Variants in FHAD1 observed in about 807,000 individuals in gnomAD.
The protein encoded by FHAD1 is forkhead-associated domain-containing protein 1.
In FHAD1, 146 loss-of-function variants were observed where a neutral mutation model predicts 191.3. That is an observed-to-expected ratio of 0.76 (90% CI 0.67 to 0.88). The LOEUF (loss-of-function observed/expected upper bound fraction) is 0.88, where lower values mean the gene tolerates loss of function less well. Among genes scored for constraint, FHAD1 ranks in the 40% least tolerant of loss-of-function variants. The probability of loss-of-function intolerance (pLI) is 0.00; values close to 1 mark genes in which losing one functional copy is unlikely to be tolerated. For missense variants in FHAD1, 1,635 were observed against 1,785.8 expected (o/e 0.92, Z 1.52); for synonymous variants, 616 against 672.3 (o/e 0.92, Z 1.29).
At chr1:15,389,458 A>AAAAAAAAAAC (rs1557454707) in intron 32 of FHAD1, among the ~76,000 whole-genome samples, 2 of 149,138 alleles carry the variant, frequency 1.3e-5, no homozygotes, top group African/African-American at 5.1e-5. Flanking sequence ...AAAAAAAAAA[A>AAAAAAAAAAC]AAAAAAAAAA....
intron 20 of FHAD1, among the ~76,000 whole-genome samples, chr1:15,356,740 T>C (rs945942331): frequency 6.6e-6 from 1 of 151,816 alleles, no homozygotes; most frequent in Non-Finnish European, 1.5e-5. Flanking sequence ...GGCGTGGTGG[T>C]GGGTGCCTGT....
Position 15,329,971 on chromosome 1 carries a change from G to A in FHAD1, c.1906+430G>A. 6.1e-6 allele frequency: 1 copy of A among 163,336 alleles called. No homozygotes were observed. The highest frequency in any genetic ancestry group is 1.3e-5 in the Non-Finnish European group (1 of 74,418). The allele number at this position is 163,336 out of a possible 1,614,324, so 10.1% of individuals were successfully genotyped here. A position where few individuals can be genotyped will look rare whatever the true frequency, so the allele number is the denominator to read the frequency against. ...TGATCATTAAAATGCATGAATATAT[G>A]GAAAGTACTTGGAATAGTACCTGGC... On this transcript the variant is annotated intron_variant, in intron 14 of 33. Transcript: ENST00000688493. The surrounding 1 kb of genome is among the most constrained non-coding windows in gnomAD (Gnocchi z 5.0).
chr1:15,241,742 G>T (rs1241783946), intron 1 of FHAD1, among the ~76,000 whole-genome samples: 1 of 152,154 alleles, frequency 6.6e-6, no homozygotes, highest in African/African-American at 2.4e-5. Flanking sequence ...CAGGGGGTGG[G>T]TCATGACTGG....
At chr1:15,351,373 T>A (rs7535287) in intron 19 of FHAD1, among the ~76,000 whole-genome samples, 59,922 of 151,890 alleles carry the variant, frequency 0.39, 12,293 homozygotes, top group South Asian at 0.48. Flanking sequence ...AATAAAAAAA[T>A]TTTTTTAAAA....
chr1:15,256,206 A>G (rs1647984369), intron 2 of FHAD1, among the ~76,000 whole-genome samples: 1 of 152,228 alleles, frequency 6.6e-6, no homozygotes, highest in Non-Finnish European at 1.5e-5. Flanking sequence ...CAGCAATGTC[A>G]CAAGCCAATG....
intron 3 of FHAD1, among the ~76,000 whole-genome samples, chr1:15,288,055 A>G (rs1340563490): frequency 3.9e-5 from 6 of 152,152 alleles, no homozygotes; most frequent in Admixed American, 3.9e-4. Flanking sequence ...TGCCAAGACA[A>G]TTGGGAGACA....
At chr1:15,274,625 G>C (rs1657565435) in intron 3 of FHAD1, among the ~76,000 whole-genome samples, 1 of 147,882 alleles carries the variant, frequency 6.8e-6, no homozygotes, top group Non-Finnish European at 1.5e-5. Flanking sequence ...AAAAAAAAAA[G>C]ATTCTGTTTT....
At chr1:15,261,197 A>G (rs2100990470) in intron 2 of FHAD1, among the ~76,000 whole-genome samples, 1 of 152,274 alleles carries the variant, frequency 6.6e-6, no homozygotes, top group Non-Finnish European at 1.5e-5. Context: ...CAGCAACCCT[A>G]CAAGTTAGGG....
In FHAD1 at chr1:15,374,708, A is replaced by T; in HGVS notation, c.3577+77A>T. 2.0e-6 allele frequency: 3 copies of T among 1,519,206 alleles called. No individual in the cohort carries two copies. In the South Asian group the frequency reaches 3.7e-5, roughly 19 times the overall value. The allele number at this position is 1,519,206 out of a possible 1,614,324, so 94.1% of individuals were successfully genotyped here. A position where few individuals can be genotyped will look rare whatever the true frequency, so the allele number is the denominator to read the frequency against. On this transcript the variant is annotated intron_variant, in intron 27 of 33. Coordinates refer to ENST00000688493, the MANE Select transcript of FHAD1 (RefSeq NM_001391957.1). ...TTTGGGGACTGACCAGTTTGCCAGG[A>T]CTACCATGTTTTATCTGCATCATCC...
At chr1:15,379,709 G>C (rs961998525) in intron 28 of FHAD1, among the ~76,000 whole-genome samples, 3 of 152,238 alleles carry the variant, frequency 2.0e-5, no homozygotes, top group African/African-American at 7.2e-5. Context: ...GTGTCCCTGG[G>C]TACTTGAGAT....
At chr1:15,330,848 TG>T (rs1680993579) in intron 14 of FHAD1, among the ~76,000 whole-genome samples, 1 of 151,996 alleles carries the variant, frequency 6.6e-6, no homozygotes, top group Non-Finnish European at 1.5e-5. Context: ...AGTAAGGAGC[TG>T]GACAGGCTTG....
intron 10 of FHAD1, among the ~76,000 whole-genome samples, chr1:15,322,314 C>T (rs115210362): frequency 0.011 from 1,655 of 152,296 alleles, 35 homozygotes; most frequent in African/African-American, 0.038. Flanking sequence ...ATGGACTCAG[C>T]ATTTTGCCAA....
chr1:15,316,517 G>C lies in FHAD1; in HGVS notation c.1260+50G>C, dbSNP rs1674511129. On this transcript the variant is annotated intron_variant, in intron 9 of 33. Transcript: ENST00000688493. The surrounding 1 kb of genome is among the most constrained non-coding windows in gnomAD (Gnocchi z 4.3). ...GGTACCACCAGAAAAAACAGAGTTT[G>C]ACCTTGAGGTTCTTGGTGGGATCCT... is the stretch of plus-strand genomic sequence containing the variant. 1 of 1,486,100 alleles carries C rather than the reference G, an allele frequency of 6.7e-7. No homozygotes were observed. Among genetic ancestry groups the C allele is most frequent in the Non-Finnish European group, 9.2e-7 (1 of 1,089,554 alleles). The allele number at this position is 1,486,100 out of a possible 1,614,324, so 92.1% of individuals were successfully genotyped here. A position where few individuals can be genotyped will look rare whatever the true frequency, so the allele number is the denominator to read the frequency against.
At chr1:15,269,229 T>G (rs1262574376) in intron 2 of FHAD1, among the ~76,000 whole-genome samples, 2 of 152,158 alleles carry the variant, frequency 1.3e-5, no homozygotes, top group African/African-American at 4.8e-5. Flanking sequence ...CTCTTCTTCC[T>G]CTAGTCTCCT....
rs1195300651 is a variant in FHAD1 at position 15,311,028 on chromosome 1, G to T, written c.1040-2029G>T. On this transcript the variant is annotated intron_variant, in intron 7 of 33. Transcript: ENST00000688493. This position sits in a 1 kb window ranked among gnomAD's most constrained non-coding sequence, Gnocchi z 4.1. ...TCTGAAATAATGGTTTCCATCTATT[G>T]GCCCCAAGAAGCATGTGACGATGAT... Among the ~76,000 whole-genome samples, 2 of 152,216 alleles carry T rather than the reference G, an allele frequency of 1.3e-5. No homozygotes were observed. Among genetic ancestry groups the T allele is most frequent in the Non-Finnish European group, 2.9e-5 (2 of 68,044 alleles).
At chr1:15,341,208 C>G (rs188737568) in intron 15 of FHAD1, among the ~76,000 whole-genome samples, 1 of 152,130 alleles carries the variant, frequency 6.6e-6, no homozygotes, top group African/African-American at 2.4e-5. Context: ...AACAAAAACA[C>G]CACCTTATTT....
chr1:15,354,307 A>C (rs562920120), intron 20 of FHAD1, among the ~76,000 whole-genome samples: 2 of 152,348 alleles, frequency 1.3e-5, no homozygotes, highest in African/African-American at 2.4e-5. Context: ...GATGCACTTT[A>C]AACAACGCTG....
At chr1:15,349,888 C>T (rs991899198) in intron 19 of FHAD1, among the ~76,000 whole-genome samples, 1 of 152,086 alleles carries the variant, frequency 6.6e-6, no homozygotes, top group African/African-American at 2.4e-5. Context: ...ACACCTGCCC[C>T]GAGCAGCATG....
intron 3 of FHAD1, among the ~76,000 whole-genome samples, chr1:15,277,577 G>T (rs940287602): frequency 6.6e-6 from 1 of 152,142 alleles, no homozygotes; most frequent in Non-Finnish European, 1.5e-5. Flanking sequence ...CCCGGTCTGG[G>T]AGTCTTTCCC....
Sources: allele counts gnomAD v4.1 joint callset (sites outside exome capture counted in the v4.1 genomes callset), GRCh38; gene constraint gnomAD v4.1.1; non-coding constraint Gnocchi (gnomAD v3.1); transcripts MANE v1.5; gene names NCBI Gene and HGNC (gene_info 2026-07-23, HGNC 2026-07-21).